The following VWA8 variants were observed in gnomAD, a reference collection of about 807,000 sequenced individuals.
The protein encoded by VWA8 is von Willebrand factor A domain containing 8.
Under a neutral mutation model 241.5 loss-of-function variants are expected in VWA8, and 221 were observed. The observed-to-expected ratio is 0.91, with a 90% CI of 0.82 to 1.02. The LOEUF (loss-of-function observed/expected upper bound fraction) is 1.02, where lower values mean the gene tolerates loss of function less well. Ranked by LOEUF, VWA8 falls within the 50% of genes least tolerant of loss-of-function variation. The pLI, the probability that VWA8 is intolerant of heterozygous loss-of-function variation, is 0.00. For synonymous variants in VWA8, 852 were observed against 827.1 expected (o/e 1.03, Z -0.52); for missense variants, 2,322 against 2,328.7 (o/e 1.00, Z 0.06).
intron 17 of VWA8, among the ~76,000 whole-genome samples, chr13:41,790,057 G>A (rs1200395670): frequency 2.6e-5 from 4 of 152,076 alleles, no homozygotes; most frequent in Non-Finnish European, 5.9e-5. Context: ...AATGGAACCA[G>A]ACATTTTTCA....
At chr13:41,854,194 T>C (rs1435013746) in intron 12 of VWA8, among the ~76,000 whole-genome samples, 3 of 152,072 alleles carry the variant, frequency 2.0e-5, no homozygotes, top group Non-Finnish European at 2.9e-5. Context: ...AGAATATGAG[T>C]TCTAGTTGTT....
chr13:41,604,721 C>CA (rs766054437), intron 40 of VWA8, among the ~76,000 whole-genome samples: 1 of 152,068 alleles, frequency 6.6e-6, no homozygotes, highest in Non-Finnish European at 1.5e-5. Flanking sequence ...TCTCTTTAGA[C>CA]AAAAAATCTG....
At chr13:41,649,051 G>GA (rs1165435739) in intron 37 of VWA8, among the ~76,000 whole-genome samples, 6 of 152,052 alleles carry the variant, frequency 3.9e-5, no homozygotes, top group African/African-American at 1.4e-4. Context: ...GGGCGTGGTG[G>GA]GGGGGTGCCT....
chr13:41,701,057 C>T (rs2045245958), intron 28 of VWA8, among the ~76,000 whole-genome samples: 1 of 152,162 alleles, frequency 6.6e-6, no homozygotes, highest in South Asian at 2.1e-4. Flanking sequence ...ATGTAATCAC[C>T]AAACTGGAAT....
chr13:41,787,607 T>TACACAC (rs112297676), intron 17 of VWA8, 64 bp from the exon 18 acceptor site: 31,769 of 602,072 alleles, frequency 0.053, 486 homozygotes, highest in African/African-American at 0.087. Flanking sequence ...GATTCTTAAA[T>TACACAC]ACACACACAC....
chr13:41,862,639 A>C (rs1461414346), intron 12 of VWA8, among the ~76,000 whole-genome samples: 1 of 152,258 alleles, frequency 6.6e-6, no homozygotes, highest in Non-Finnish European at 1.5e-5. Context: ...GACATTTCTC[A>C]AAAGACATAC....
At chr13:41,755,266 A>G (rs1435654746) in intron 21 of VWA8, among the ~76,000 whole-genome samples, 1 of 152,040 alleles carries the variant, frequency 6.6e-6, no homozygotes, top group Non-Finnish European at 1.5e-5. Flanking sequence ...CATCTTCATC[A>G]GCATTTGCTA....
At chr13:41,797,978 A>G (rs1166122218) in intron 17 of VWA8, among the ~76,000 whole-genome samples, 1 of 152,168 alleles carries the variant, frequency 6.6e-6, no homozygotes, top group Non-Finnish European at 1.5e-5. Flanking sequence ...GCTGACAGGT[A>G]TAACATTCCT....
chr13:41,795,885 C>T (rs566338415), intron 17 of VWA8, among the ~76,000 whole-genome samples: 1 of 152,164 alleles, frequency 6.6e-6, no homozygotes, highest in African/African-American at 2.4e-5. Flanking sequence ...GTGCAGCAAA[C>T]CACCATGGCA....
chr13:41,581,717 A>G (rs2044384702), intron 42 of VWA8, among the ~76,000 whole-genome samples: 1 of 152,100 alleles, frequency 6.6e-6, no homozygotes, highest in South Asian at 2.1e-4. Flanking sequence ...TCCAAGTGCA[A>G]CTTCTGAATA....
intron 24 of VWA8, 78 bp from the exon 25 acceptor site, chr13:41,721,653 T>A: frequency 6.9e-7 from 1 of 1,445,770 alleles, no homozygotes; most frequent in Non-Finnish European, 9.3e-7. Context: ...AATGGTTGTT[T>A]AAAGAGCCAC....
chr13:41,655,043 G>A (rs2044893573), intron 37 of VWA8, among the ~76,000 whole-genome samples: 1 of 151,808 alleles, frequency 6.6e-6, no homozygotes, highest in South Asian at 2.1e-4. Flanking sequence ...TTTGAGGTCT[G>A]TGTTGTTGGT....
rs768300230 is a variant in VWA8, at chr13:41,699,271, C to T, written c.3365-1G>A. ...ACATAGAGAGTATTTTGCTCATTTT[C>T]TGAAATGACAAAAAGGTGTTAATTT... is the stretch of plus-strand genomic sequence containing the variant. On this transcript the variant is annotated splice_acceptor_variant, in intron 28 of 44. Coordinates refer to ENST00000379310, the MANE Select transcript of VWA8 (RefSeq NM_015058.2). LOFTEE classifies it high-confidence loss of function. 6.2e-7 allele frequency: 1 copy of T among 1,613,766 alleles called. No individual in the cohort carries two copies. The highest frequency in any genetic ancestry group is 1.3e-5 in the African/African-American group (1 of 74,998).
intron 44 of VWA8, among the ~76,000 whole-genome samples, chr13:41,569,869 G>A (rs1362001055): frequency 6.6e-6 from 1 of 152,106 alleles, no homozygotes; most frequent in Non-Finnish European, 1.5e-5. Context: ...TATATTCAGT[G>A]TAGTATCTAA....
chr13:41,939,833 T>C (rs1009109997), intron 2 of VWA8, among the ~76,000 whole-genome samples: 3 of 152,224 alleles, frequency 2.0e-5, no homozygotes, highest in African/African-American at 4.8e-5. Flanking sequence ...TATTTCAACA[T>C]TGTGATTTTT....
In VWA8 at chr13:41,891,007, T is replaced by C. The variant is rs148827666; in HGVS notation, c.651+413A>G. 4.2e-3 allele frequency among the ~76,000 whole-genome samples: 645 copies of C among 152,244 alleles called. 4 individuals are homozygous for C. The highest frequency in any genetic ancestry group is 0.017 in the Middle Eastern group (5 of 294). ...TGTCAATACCTACTGGACCTTTAGC[T>C]TCCTGAAGCTAAAAACTGGACTTTC... On this transcript the variant is annotated intron_variant, in intron 5 of 44. Coordinates refer to ENST00000379310, the MANE Select transcript of VWA8 (RefSeq NM_015058.2).
intron 37 of VWA8, among the ~76,000 whole-genome samples, chr13:41,652,300 C>T (rs969190628): frequency 1.3e-5 from 2 of 152,214 alleles, no homozygotes; most frequent in African/African-American, 4.8e-5. Context: ...AAGAGGCATA[C>T]AAACACGGGC....
chr13:41,872,105 T>C (rs1873657083), intron 9 of VWA8, among the ~76,000 whole-genome samples: 1 of 152,246 alleles, frequency 6.6e-6, no homozygotes, highest in African/African-American at 2.4e-5. Context: ...AAATGTCTTC[T>C]TTTGAGAAGT....
intron 9 of VWA8, among the ~76,000 whole-genome samples, chr13:41,879,547 T>C (rs1052383877): frequency 3.9e-5 from 6 of 152,142 alleles, no homozygotes; most frequent in African/African-American, 1.2e-4. Flanking sequence ...CGTCTCTAAC[T>C]ACACCTCTCT....
Sources: gnomAD v4.1 joint callset for allele counts (sites outside exome capture counted in the v4.1 genomes callset) on GRCh38, gnomAD v4.1.1 for gene constraint, MANE v1.5 for transcripts, NCBI Gene and HGNC (gene_info 2026-07-23, HGNC 2026-07-21) for gene names.